The following BCAR3 variants were observed in gnomAD, a reference collection of about 807,000 sequenced individuals.
BCAR3 encodes the protein breast cancer anti-estrogen resistance protein 3.
Under a neutral mutation model 80.1 loss-of-function variants are expected in BCAR3, and 37 were observed. The observed-to-expected ratio is 0.46, with a 90% CI of 0.36 to 0.61. BCAR3 has a LOEUF of 0.61. BCAR3 is among the 20% of genes least tolerant of loss of function. The probability of loss-of-function intolerance (pLI) is 0.00; values close to 1 mark genes in which losing one functional copy is unlikely to be tolerated. For synonymous variants in BCAR3, 389 were observed against 418.9 expected (o/e 0.93, Z 0.87); for missense variants, 978 against 1,068.2 (o/e 0.92, Z 1.18).
chr1:93,660,570 G>C (rs1452499356), intron 2 of BCAR3, among the ~76,000 whole-genome samples: 1 of 152,224 alleles, frequency 6.6e-6, no homozygotes, highest in Non-Finnish European at 1.5e-5. Context: ...ATATCAGCTA[G>C]TGTGTGCTTA....
intron 2 of BCAR3, among the ~76,000 whole-genome samples, chr1:93,734,997 T>G (rs942161734): frequency 6.6e-6 from 1 of 152,226 alleles, no homozygotes; most frequent in Non-Finnish European, 1.5e-5. Flanking sequence ...CTATTGGTGG[T>G]TAGCTTCTTG....
chr1:93,584,979 A>T, intron 5 of BCAR3: 1 of 983,370 alleles, frequency 1.0e-6, no homozygotes, highest in Non-Finnish European at 1.2e-6. Context: ...TACCTTTACA[A>T]GCACCAAAGA....
At chr1:93,636,893 T>A (rs1174777839) in intron 3 of BCAR3, among the ~76,000 whole-genome samples, 1 of 152,038 alleles carries the variant, frequency 6.6e-6, no homozygotes, top group Admixed American at 6.6e-5. Flanking sequence ...GGCCAAGAGT[T>A]CGAGGCAAGC....
intron 3 of BCAR3, among the ~76,000 whole-genome samples, chr1:93,617,861 T>C (rs1207838944): frequency 1.3e-5 from 2 of 152,150 alleles, no homozygotes; most frequent in African/African-American, 4.8e-5. Context: ...TGGAGAGCAG[T>C]GTGGCAGGTG....
chr1:93,755,243 G>A (rs1374687362), intron 2 of BCAR3, among the ~76,000 whole-genome samples: 1 of 152,154 alleles, frequency 6.6e-6, no homozygotes, highest in African/African-American at 2.4e-5. Context: ...AAAAGTTAAT[G>A]TATTATTGAA....
At position 93,592,184 on chromosome 1, in the gene BCAR3, G is replaced by A. The variant is rs970433611; in HGVS notation, c.486+81C>T. On this transcript the variant is annotated intron_variant, in intron 4 of 11. Coordinates refer to ENST00000260502, the MANE Select transcript of BCAR3 (RefSeq NM_003567.4). This position sits in a 1 kb window ranked among gnomAD's most constrained non-coding sequence, Gnocchi z 4.8. ...CAGGTGCTTCCGCCCATGTGGCCTC[G>A]GAGTGGGACCCTGCGGGTCATCAAT... The A allele has an allele frequency of 2.7e-5, 42 of 1,572,798 alleles. No individual in the cohort carries two copies. The African/African-American group carries it at 4.5e-4, about 17-fold the overall frequency.
chr1:93,623,992 A>T (rs1385782680), intron 3 of BCAR3, among the ~76,000 whole-genome samples: 1 of 152,194 alleles, frequency 6.6e-6, no homozygotes. Flanking sequence ...CTTCCATGGA[A>T]ATAATTGAGT....
chr1:93,836,656 T>A (rs549070027), intron 2 of BCAR3, among the ~76,000 whole-genome samples: 24 of 152,242 alleles, frequency 1.6e-4, no homozygotes, highest in Non-Finnish European at 3.1e-4. Flanking sequence ...ATTTTATTTT[T>A]CTTATTAACA....
chr1:93,714,384 AT>A (rs1162736677), intron 2 of BCAR3, among the ~76,000 whole-genome samples: 4 of 152,170 alleles, frequency 2.6e-5, no homozygotes, highest in African/African-American at 9.7e-5. Flanking sequence ...ACACCATCTT[AT>A]TGACTACTGT....
At position 93,600,659 on chromosome 1, in the gene BCAR3, C is replaced by A. The variant is rs192720531; in HGVS notation, c.358-8266G>T. 164 of 152,308 alleles carry A rather than the reference C, an allele frequency of 1.1e-3. 1 individual carries two copies. The highest frequency in any genetic ancestry group is 3.6e-3 in the African/African-American group (151 of 41,556). The allele number at this position is 152,308 out of a possible 1,614,324, so 9.4% of individuals were successfully genotyped here. A position where few individuals can be genotyped will look rare whatever the true frequency, so the allele number is the denominator to read the frequency against. On this transcript the variant is annotated intron_variant, in intron 3 of 11. Coordinates refer to ENST00000260502, the MANE Select transcript of BCAR3 (RefSeq NM_003567.4). ...TTGCTAACATGTTCTGACGCAGGGT[C>A]CAATTGCAGGAACCTTCCATGGCTC... is the stretch of plus-strand genomic sequence containing the variant.
chr1:93,640,207 C>T (rs1489613812), intron 3 of BCAR3, among the ~76,000 whole-genome samples: 2 of 152,090 alleles, frequency 1.3e-5, no homozygotes, highest in Non-Finnish European at 2.9e-5. Flanking sequence ...CTGGTCAGCC[C>T]GGCTCCACAG....
intron 2 of BCAR3, among the ~76,000 whole-genome samples, chr1:93,772,089 A>T (rs1204285444): frequency 6.6e-6 from 1 of 152,210 alleles, no homozygotes; most frequent in South Asian, 2.1e-4. Flanking sequence ...TAGCCTCATC[A>T]GAGGTGAGGG....
intron 2 of BCAR3, among the ~76,000 whole-genome samples, chr1:93,655,253 G>A (rs1003538128): frequency 6.6e-6 from 1 of 152,162 alleles, no homozygotes; most frequent in Non-Finnish European, 1.5e-5. Context: ...AGAGATTTGT[G>A]TTTTTGAAAA....
intron 2 of BCAR3, among the ~76,000 whole-genome samples, chr1:93,828,967 T>C (rs1654468075): frequency 6.6e-6 from 1 of 152,146 alleles, no homozygotes; most frequent in Admixed American, 6.5e-5. Context: ...TTGTCTGGGG[T>C]ATATACCCTG....
In BCAR3 at chr1:93,689,612, G is replaced by C. The variant is rs952636553; in HGVS notation, c.-11-14671C>G. Among the ~76,000 whole-genome samples the C allele has an allele frequency of 5.3e-5, 8 of 152,008 alleles. No individual in the cohort carries two copies. In the East Asian group the frequency reaches 1.3e-3, roughly 26 times the overall value. ...AATAAAGAAGAGGGAGGAGTTGTAG[G>C]GGGGCAGGGAGCTTGATTATGGAAA... is the stretch of plus-strand genomic sequence containing the variant. On this transcript the variant is annotated intron_variant, in intron 3 of 13. Coordinates refer to the BCAR3 transcript ENST00000370244.
Position 93,754,476 on chromosome 1 carries a change from C to T in BCAR3, c.-62-48334G>A, listed in dbSNP as rs191774924. 9.2e-5 allele frequency: 14 copies of T among 152,312 alleles called. No individual in the cohort carries two copies. The East Asian group carries it at 2.7e-3, about 29-fold the overall frequency. 9.4% of individuals were successfully genotyped at this position (152,312 alleles called of 1,614,324 possible). A position where few individuals can be genotyped will look rare whatever the true frequency, so the allele number is the denominator to read the frequency against. ...AGCTTGCATAATATGGTTTGACCCA[C>T]AAAACATATCTCAGAGGTGAAATTG... On this transcript the variant is annotated intron_variant, in intron 2 of 13. Coordinates refer to the BCAR3 transcript ENST00000370244.
intron 2 of BCAR3, among the ~76,000 whole-genome samples, chr1:93,817,305 G>C (rs1464276438): frequency 6.6e-6 from 1 of 152,248 alleles, no homozygotes; most frequent in Admixed American, 6.5e-5. Flanking sequence ...CAGGCACCAT[G>C]GTCTGGCATT....
intron 3 of BCAR3, among the ~76,000 whole-genome samples, chr1:93,688,972 A>T (rs1383756742): frequency 1.3e-5 from 2 of 152,148 alleles, no homozygotes; most frequent in Non-Finnish European, 2.9e-5. Flanking sequence ...AATGTTACTT[A>T]AAAACAAATT....
rs1437280962 is a variant in BCAR3 at position 93,582,862 on chromosome 1, G to C, written c.1125C>G (p.Ser375Arg). ...VFRTGSEPAL[S>R]PAVVRRVSSD... Reference sequence around the variant, plus strand: ...AGGAGACCCTCCGAACCACTGCTGGGCTCAGGGCAGGCTCGCTTCCCGTCC... The same window carrying C: ...AGGAGACCCTCCGAACCACTGCTGGCCTCAGGGCAGGCTCGCTTCCCGTCC... The change falls in exon 7 of 12, where the codon AGC becomes AGG. Residue 375 changes from serine (S) to arginine (R), a missense_variant. Transcript: ENST00000260502. 6.2e-7 allele frequency: 1 copy of C among 1,612,514 alleles called. No individual in the cohort carries two copies. Among genetic ancestry groups the C allele is most frequent in the Non-Finnish European group, 8.5e-7 (1 of 1,179,986 alleles).
Sources: allele counts gnomAD v4.1 joint callset (sites outside exome capture counted in the v4.1 genomes callset), GRCh38; gene constraint gnomAD v4.1.1; non-coding constraint Gnocchi (gnomAD v3.1); transcripts MANE v1.5; gene names NCBI Gene and HGNC (gene_info 2026-07-23, HGNC 2026-07-21).